LMF1: variants seen among roughly 807,000 people sequenced by gnomAD.
The protein encoded by LMF1 is transmembrane protein 112.
Under a neutral mutation model 60.6 loss-of-function variants are expected in LMF1, and 68 were observed. The ratio of observed to expected loss-of-function variants is 1.12; its 90% CI spans 0.92 to 1.37. The LOEUF (loss-of-function observed/expected upper bound fraction) is 1.37, where lower values mean the gene tolerates loss of function less well. Ranked by LOEUF, LMF1 falls within the 40% of genes most tolerant of loss-of-function variation. The pLI is 0.00. For missense variants in LMF1, 948 were observed against 767.2 expected (o/e 1.24, Z -2.78); for synonymous variants, 418 against 324.7 (o/e 1.29, Z -3.09).
At chr16:922,259 C>T (rs1325782540) in intron 3 of LMF1, among the ~76,000 whole-genome samples, 1 of 152,182 alleles carries the variant, frequency 6.6e-6, no homozygotes, top group East Asian at 1.9e-4. Context: ...TGCACAATCT[C>T]GCCTCCGATG....
chr16:874,835 G>A lies in LMF1; in HGVS notation c.898-3494C>T, dbSNP rs938061290. On this transcript the variant is annotated intron_variant, in intron 6 of 10. Transcript: ENST00000262301. The surrounding 1 kb of genome is among the most constrained non-coding windows in gnomAD (Gnocchi z 4.1). ...GTCACAGCGCGGCACAGGGGAGTAC[G>A]CAGCCCCAGCCAGGACACTACAATG... 2.0e-5 allele frequency among the ~76,000 whole-genome samples: 3 copies of A among 152,002 alleles called. No individual in the cohort carries two copies. Among genetic ancestry groups the A allele is most frequent in the Admixed American group, 6.5e-5 (1 of 15,286 alleles).
chr16:937,691 C>T (rs1199926940), intron 2 of LMF1, among the ~76,000 whole-genome samples: 1 of 152,254 alleles, frequency 6.6e-6, no homozygotes, highest in African/African-American at 2.4e-5. Flanking sequence ...TTTAAAAACA[C>T]ATTTGGCTCC....
chr16:970,932 T>A lies in LMF1; in HGVS notation c.49A>T (p.Arg17Trp). 6.4e-7 allele frequency: 1 copy of A among 1,562,590 alleles called. No homozygotes were observed. The highest frequency in any genetic ancestry group is 8.7e-7 in the Non-Finnish European group (1 of 1,151,152). The change falls in exon 1 of 11, where the codon AGG becomes TGG. Residue 17 changes from arginine to tryptophan, a missense_variant. Coordinates refer to ENST00000262301, the MANE Select transcript of LMF1 (RefSeq NM_022773.4). ...GGATCCGAGTACCCAGTCTTCCGCCTCCTCAGCGACTCCGCGGGCGCCGCC... is the reference window on the plus strand; with the variant it reads ...GGATCCGAGTACCCAGTCTTCCGCCACCTCAGCGACTCCGCGGGCGCCGCC... ...TMAAPAESLR[R>W]RKTGYSDPEP...
chr16:952,273 A>C (rs1328725261), intron 2 of LMF1, among the ~76,000 whole-genome samples: 1 of 151,470 alleles, frequency 6.6e-6, no homozygotes, highest in Non-Finnish European at 1.5e-5. Flanking sequence ...GACCCCCCTT[A>C]CAAGTGCCCA....
chr16:914,656 C>T (rs62013813), intron 3 of LMF1, among the ~76,000 whole-genome samples: 201 of 3,826 alleles, frequency 0.053, no homozygotes, highest in East Asian at 0.077. Flanking sequence ...TCCTCATGAC[C>T]ATTGGTGACA....
chr16:864,148 C>T (rs1021650859), intron 10 of LMF1, among the ~76,000 whole-genome samples: 17 of 152,332 alleles, frequency 1.1e-4, no homozygotes, highest in African/African-American at 4.1e-4. Flanking sequence ...CTTAGGATTG[C>T]TACATCTGTT....
intron 1 of LMF1, chr16:976,666 G>C (rs766560060): frequency 2.2e-6 from 1 of 454,122 alleles, no homozygotes; most frequent in South Asian, 1.6e-5. Context: ...ACTGAGAGTG[G>C]AGACGGATAG....
intron 10 of LMF1, among the ~76,000 whole-genome samples, chr16:863,676 G>C (rs375703079): frequency 1.3e-5 from 2 of 151,972 alleles, no homozygotes; most frequent in East Asian, 1.9e-4. Flanking sequence ...TTTTTTAAGC[G>C]ATGGGGTCTT....
rs1274682128 is a variant in LMF1 at position 954,497 on chromosome 16, G to C, written c.363C>G (p.Asp121Glu). The C allele has an allele frequency of 3.0e-5, 48 of 1,612,694 alleles. No individual in the cohort carries two copies. The highest frequency in any genetic ancestry group is 4.0e-5 in the Non-Finnish European group (47 of 1,179,556). Residue 121 changes from aspartate (D) to glutamate (E), a missense_variant, in exon 2 of 11, where the codon GAC (aspartate) becomes GAG (glutamate). Asp to Glu is a conservative substitution (Grantham distance 45). Transcript: ENST00000262301. ...CCAGCAAGTCCAGGTTGGAGTTCAT[G>C]TCTGACCAGTCCATCAGCCAGAGGA... is the stretch of plus-strand genomic sequence containing the variant. Reference protein sequence around the residue: ...PTILWLMDWSDMNSNLDLLAL... With the variant: ...PTILWLMDWSEMNSNLDLLAL...
At chr16:859,040 A>T (rs866415433) in intron 10 of LMF1, among the ~76,000 whole-genome samples, 1 of 8,102 alleles carries the variant, frequency 1.2e-4, no homozygotes, top group East Asian at 4.4e-3. Flanking sequence ...GGTGTGAGTG[A>T]TGTCACGGGA....
rs192897479 is a variant in LMF1, at chr16:896,687, G to A, written c.664-3615C>T. Among the ~76,000 whole-genome samples, 682 of 152,250 alleles carry A rather than the reference G, an allele frequency of 4.5e-3. 6 individuals carry two copies. Among genetic ancestry groups the A allele is most frequent in the African/African-American group, 0.016 (667 of 41,528 alleles). ...TCCACCGGGCAGGGGCACAACCACCGCCACTGCTCCCCCCGCATGAGCACC... is the reference window on the plus strand; with the variant it reads ...TCCACCGGGCAGGGGCACAACCACCACCACTGCTCCCCCCGCATGAGCACC... On this transcript the variant is annotated intron_variant, in intron 4 of 10. Transcript: ENST00000262301.
At chr16:966,765 C>A (rs1382277985) in intron 1 of LMF1, among the ~76,000 whole-genome samples, 1 of 152,216 alleles carries the variant, frequency 6.6e-6, no homozygotes, top group Non-Finnish European at 1.5e-5. Flanking sequence ...TCTTGATGAG[C>A]AACTTGGCCA....
At chr16:965,717 T>C (rs1303562912) in intron 1 of LMF1, among the ~76,000 whole-genome samples, 2 of 152,118 alleles carry the variant, frequency 1.3e-5, no homozygotes, top group Admixed American at 6.5e-5. Context: ...CCAGGAAGTA[T>C]GAACACAACC....
rs150246976 is a variant in LMF1, at chr16:875,193, G to A, written c.898-3852C>T. Among the ~76,000 whole-genome samples, 6 of 152,164 alleles carry A rather than the reference G, an allele frequency of 3.9e-5. No homozygotes were observed. The East Asian group carries it at 1.2e-3, about 30-fold the overall frequency. On this transcript the variant is annotated intron_variant, in intron 6 of 10. Coordinates refer to ENST00000262301, the MANE Select transcript of LMF1 (RefSeq NM_022773.4). Reference sequence around the variant, plus strand: ...GAGGGTGGTGCTCACAGTCCCAGGTGCAGTGAGGCCCAGCTCTGTCCCCTC... The same window carrying A: ...GAGGGTGGTGCTCACAGTCCCAGGTACAGTGAGGCCCAGCTCTGTCCCCTC...
chr16:942,696 T>C (rs564573229), intron 2 of LMF1, among the ~76,000 whole-genome samples: 1 of 140,488 alleles, frequency 7.1e-6, no homozygotes, highest in Non-Finnish European at 1.6e-5. Flanking sequence ...CCTCTCTCTG[T>C]GGGGCTCCAA....
intron 3 of LMF1, among the ~76,000 whole-genome samples, chr16:930,165 GAC>G (rs2071736268): frequency 7.1e-6 from 1 of 141,810 alleles, no homozygotes; most frequent in East Asian, 2.0e-4. Context: ...AGGACCCTGG[GAC>G]ACAGAGCCCA....
chr16:876,278 C>T (rs1318738981), intron 6 of LMF1, among the ~76,000 whole-genome samples: 1 of 152,242 alleles, frequency 6.6e-6, no homozygotes, highest in African/African-American at 2.4e-5. Flanking sequence ...CTGCACAATG[C>T]TTCCCACTCT....
intron 3 of LMF1, among the ~76,000 whole-genome samples, chr16:916,539 C>G (rs1214346111): frequency 1.3e-5 from 2 of 152,214 alleles, no homozygotes; most frequent in African/African-American, 4.8e-5. Flanking sequence ...TACAGACGCC[C>G]CTGGGGCTGG....
chr16:891,113 C>T (rs962444416), intron 5 of LMF1, among the ~76,000 whole-genome samples: 1 of 152,224 alleles, frequency 6.6e-6, no homozygotes, highest in African/African-American at 2.4e-5. Flanking sequence ...CCCACTGCAT[C>T]CCAGCTGGCC....
Sources: allele counts gnomAD v4.1 joint callset (sites outside exome capture counted in the v4.1 genomes callset), GRCh38; gene constraint gnomAD v4.1.1; non-coding constraint Gnocchi (gnomAD v3.1); transcripts MANE v1.5; gene names NCBI Gene and HGNC (gene_info 2026-07-23, HGNC 2026-07-21).